Variants in SETD2 observed in about 807,000 individuals in gnomAD.
SETD2 encodes SET domain containing 2, histone lysine methyltransferase.
In SETD2, 31 loss-of-function variants were observed where a neutral mutation model predicts 242.1. That is an observed-to-expected ratio of 0.13 (90% CI 0.10 to 0.17). SETD2 has a LOEUF of 0.17. SETD2 is among the 10% of genes least tolerant of loss of function. SETD2 has a pLI of 1.00. For missense variants in SETD2, 2,481 were observed against 3,046.3 expected, an observed-to-expected ratio of 0.81 and a Z score of 4.37; for synonymous variants, 1,006 against 1,066.5, an observed-to-expected ratio of 0.94 and a Z score of 1.11.
intron 8 of SETD2, 152 bp from the exon 9 acceptor site, chr3:47,098,233 T>C (rs1317150333): frequency 8.7e-6 from 5 of 576,842 alleles, no homozygotes; most frequent in Admixed American, 3.8e-5. Context: ...CTATTACTAA[T>C]AGAAATGTCT....
At chr3:47,159,782 G>A (rs576641952) in intron 1 of SETD2, among the ~76,000 whole-genome samples, 68 of 152,068 alleles carry the variant, frequency 4.5e-4, no homozygotes, top group African/African-American at 1.6e-3. Context: ...CAAGACCAGC[G>A]TGGCCAAGAA....
chr3:47,120,516 T>C lies in SETD2; in HGVS notation c.4120A>G (p.Ser1374Gly). 1 of 1,614,024 alleles carries C rather than the reference T, an allele frequency of 6.2e-7. No homozygotes were observed. The highest frequency in any genetic ancestry group is 1.7e-4 in the Middle Eastern group (1 of 6,060). ...KGSVQAPEIS[S>G]NSIKDTLAVN... is the part of the protein sequence containing the mutation. ...GCTAAAGTGTCCTTAATGGAATTGCTGCTTATTTCAGGTGCTTGCACTGAC... is the reference window on the plus strand; with the variant it reads ...GCTAAAGTGTCCTTAATGGAATTGCCGCTTATTTCAGGTGCTTGCACTGAC... The change falls in exon 3 of 21, where the codon AGC becomes GGC. Residue 1374 changes from serine (S) to glycine (G), a missense_variant. Physicochemically the swap from Ser to Gly is moderately conservative, Grantham distance 56. This residue lies in a region of SETD2 where 1,300 missense variants were observed against 1,259.2 expected (regional missense o/e 1.03). Coordinates refer to ENST00000409792, the MANE Select transcript of SETD2 (RefSeq NM_014159.7).
chr3:47,086,092 T>C (rs1395534597), intron 11 of SETD2, 103 bp downstream of exon 11: 3 of 1,283,218 alleles, frequency 2.3e-6, no homozygotes, highest in African/African-American at 1.5e-5. Context: ...TTAATACCAA[T>C]GATACAGTGC....
Position 47,123,443 on chromosome 3 carries a change from C to G in SETD2, c.1193G>C (p.Arg398Thr), listed in dbSNP as rs2043189969. The change falls in exon 3 of 21, where the codon AGA becomes ACA. Residue 398 changes from arginine to threonine, a missense_variant. Arg to Thr is a moderately conservative substitution (Grantham distance 71). Around this residue, in one of 17 missense-constraint regions of SETD2, gnomAD observed 1,300 missense variants for 1,259.2 expected, o/e 1.03. Transcript: ENST00000409792. Reference protein sequence around the residue: ...RYVSSRCRSERERRRSRSHSR... With the variant: ...RYVSSRCRSETERRRSRSHSR... Reference sequence around the variant, plus strand: ...GTGAGATCTGCTCCGCCGTCGCTCTCTTTCTGATCTACATCGGGAAGATAC... The same window carrying G: ...GTGAGATCTGCTCCGCCGTCGCTCTGTTTCTGATCTACATCGGGAAGATAC... The G allele has an allele frequency of 6.4e-7, 1 of 1,551,618 alleles. No homozygotes were observed. The highest frequency in any genetic ancestry group is 8.7e-7 in the Non-Finnish European group (1 of 1,146,984).
At chr3:47,033,677 T>TC (rs1298850624) in intron 18 of SETD2, among the ~76,000 whole-genome samples, 1 of 147,718 alleles carries the variant, frequency 6.8e-6, no homozygotes, top group Non-Finnish European at 1.5e-5. Flanking sequence ...TTTTTTTTTT[T>TC]TGAGACAGAG....
chr3:47,139,693 G>A (rs569265541), intron 1 of SETD2, among the ~76,000 whole-genome samples: 11 of 152,088 alleles, frequency 7.2e-5, no homozygotes, highest in African/African-American at 9.6e-5. Flanking sequence ...GAAATTTGCC[G>A]CATTCTCATC....
intron 1 of SETD2, among the ~76,000 whole-genome samples, chr3:47,142,565 C>T (rs114151323): frequency 0.012 from 1,825 of 151,460 alleles, 27 homozygotes; most frequent in South Asian, 0.054. Context: ...TATACTGCTC[C>T]GGAATGTACT....
Position 47,121,501 on chromosome 3 carries a change from T to C in SETD2, c.3135A>G (p.Ser1045=), listed in dbSNP as rs2043086224. The change falls in exon 3 of 21, where the codon TCA becomes TCG. Residue 1045 remains serine, a synonymous_variant. Coordinates refer to ENST00000409792, the MANE Select transcript of SETD2 (RefSeq NM_014159.7). ...TATCTTCTGAATCACTTTCATCATT[T>C]GAACTTTCAGAAGAGCCAGAATAAT... ...HEDYSGSSES[S]NDESDSEDTD... is the part of the protein sequence containing the mutation. 1 of 1,613,988 alleles carries C rather than the reference T, an allele frequency of 6.2e-7. No individual in the cohort carries two copies. The highest frequency in any genetic ancestry group is 1.7e-5 in the Admixed American group (1 of 60,004).
intron 12 of SETD2, among the ~76,000 whole-genome samples, chr3:47,075,285 C>T (rs868038007): frequency 4.0e-5 from 6 of 151,510 alleles, no homozygotes; most frequent in African/African-American, 9.7e-5. Flanking sequence ...AAAGGCTGGG[C>T]GCGGTGGCTC....
chr3:47,071,449 G>A (rs1383115505), intron 12 of SETD2, among the ~76,000 whole-genome samples: 1 of 152,120 alleles, frequency 6.6e-6, no homozygotes, highest in East Asian at 1.9e-4. Context: ...CCTACACAGT[G>A]CTACATAAAC....
In SETD2 at chr3:47,046,630, T is replaced by C. The variant is rs964769481; in HGVS notation, c.6964-9A>G. ...CTTGGCTGGGCATAACTCTAAAAGA[T>C]AAAATGAAGAAATCAATAATTTAAG... On this transcript the variant is annotated splice_polypyrimidine_tract_variant and intron_variant, in intron 15 of 20. Transcript: ENST00000409792. The C allele has an allele frequency of 8.1e-6, 13 of 1,600,492 alleles. No individual in the cohort carries two copies. In the African/African-American group the frequency reaches 1.5e-4, roughly 18 times the overall value.
intron 5 of SETD2, among the ~76,000 whole-genome samples, chr3:47,111,068 T>A (rs1320130584): frequency 8.8e-6 from 1 of 113,156 alleles, no homozygotes; most frequent in East Asian, 2.7e-4. Flanking sequence ...GTGTCCAAAC[T>A]GTGGTTCCTT....
At chr3:47,152,737 G>A (rs1193983371) in intron 1 of SETD2, among the ~76,000 whole-genome samples, 1 of 152,124 alleles carries the variant, frequency 6.6e-6, no homozygotes, top group Non-Finnish European at 1.5e-5. Flanking sequence ...AGGGAAGTGG[G>A]CCACAGGAAG....
rs530279461 is a variant in SETD2, at chr3:47,104,995, C to T, written c.4839+1002G>A. On this transcript the variant is annotated intron_variant, in intron 6 of 20. Transcript: ENST00000409792. ...TGTTGCCCAGGCTGGCCTCCTTTGGCTTCAAATGATTCTCCCACTTGGCCC... is the reference window on the plus strand; with the variant it reads ...TGTTGCCCAGGCTGGCCTCCTTTGGTTTCAAATGATTCTCCCACTTGGCCC... Among the ~76,000 whole-genome samples, 3 of 152,256 alleles carry T rather than the reference C, an allele frequency of 2.0e-5. No individual in the cohort carries two copies. The East Asian group carries it at 5.8e-4, about 29-fold the overall frequency.
chr3:47,035,677 T>C (rs1279702367), intron 18 of SETD2, among the ~76,000 whole-genome samples: 1 of 152,228 alleles, frequency 6.6e-6, no homozygotes. Flanking sequence ...ACGGTGCCCA[T>C]GAACTTGGGC....
At chr3:47,142,452 T>C (rs2043752386) in intron 1 of SETD2, among the ~76,000 whole-genome samples, 2 of 151,990 alleles carry the variant, frequency 1.3e-5, no homozygotes, top group Non-Finnish European at 2.9e-5. Flanking sequence ...AAGGGTGCAG[T>C]GAGATGACAT....
intron 4 of SETD2, among the ~76,000 whole-genome samples, chr3:47,115,278 A>C (rs1255911027): frequency 6.6e-6 from 1 of 152,140 alleles, no homozygotes; most frequent in Non-Finnish European, 1.5e-5. Flanking sequence ...TCATGAGAAC[A>C]ACCGAGAACT....
At chr3:47,029,295 G>T (rs1418953966) in intron 18 of SETD2, among the ~76,000 whole-genome samples, 1 of 151,370 alleles carries the variant, frequency 6.6e-6, no homozygotes, top group Non-Finnish European at 1.5e-5. Context: ...TGGGCTTGAG[G>T]GATCCACCTG....
intron 1 of SETD2, among the ~76,000 whole-genome samples, chr3:47,146,886 G>A (rs1196208846): frequency 6.6e-6 from 1 of 151,408 alleles, no homozygotes; most frequent in Non-Finnish European, 1.5e-5. Flanking sequence ...ACTGCAGTGA[G>A]CCAGGTTTGC....
Sources: allele counts gnomAD v4.1 joint callset (sites outside exome capture counted in the v4.1 genomes callset), GRCh38; gene constraint gnomAD v4.1.1; regional missense constraint gnomAD v4.1.1; transcripts MANE v1.5; gene names NCBI Gene and HGNC (gene_info 2026-07-23, HGNC 2026-07-21).